The following KCND2 variants were observed in gnomAD, a reference collection of about 807,000 sequenced individuals.
KCND2 encodes the protein potassium voltage-gated channel subfamily D member 2.
KCND2 carries 16 observed loss-of-function variants against 54.4 expected under a neutral mutation model. The observed-to-expected ratio is 0.29, with a 90% CI of 0.20 to 0.45. The LOEUF (loss-of-function observed/expected upper bound fraction) is 0.45, where lower values mean the gene tolerates loss of function less well. Ranked by LOEUF, KCND2 falls within the 20% of genes least tolerant of loss-of-function variation. The pLI is 1.00. For synonymous variants in KCND2, 317 were observed against 310.7 expected, an observed-to-expected ratio of 1.02 and a Z score of -0.21; for missense variants, 486 against 824.2, an observed-to-expected ratio of 0.59 and a Z score of 5.02.
At chr7:120,351,085 G>C (rs1398216110) in intron 1 of KCND2, among the ~76,000 whole-genome samples, 1 of 151,260 alleles carries the variant, frequency 6.6e-6, no homozygotes, top group African/African-American at 2.4e-5. Context: ...CATTAAATAT[G>C]TAGATTATTT....
chr7:120,300,512 G>A (rs546525348), intron 1 of KCND2, among the ~76,000 whole-genome samples: 2 of 152,098 alleles, frequency 1.3e-5, no homozygotes, highest in Non-Finnish European at 2.9e-5. Context: ...ATTATCTGAA[G>A]CATATTGTTT....
chr7:120,333,546 G>A lies in KCND2; in HGVS notation c.1115+57799G>A, dbSNP rs146882722. ...ACCCTGTTTATGATAAAGCACTTTC[G>A]GATTTTTGCTGTAATGACACAGTTC... On this transcript the variant is annotated intron_variant, in intron 1 of 5. Transcript: ENST00000331113. 2.4e-4 allele frequency among the ~76,000 whole-genome samples: 36 copies of A among 151,986 alleles called. 1 individual carries two copies. The East Asian group carries it at 6.6e-3, about 28-fold the overall frequency.
chr7:120,447,241 T>C (rs1802029942), intron 1 of KCND2, among the ~76,000 whole-genome samples: 1 of 152,070 alleles, frequency 6.6e-6, no homozygotes, highest in Non-Finnish European at 1.5e-5. Context: ...AGATCCCATC[T>C]GTGTGACATT....
At chr7:120,448,615 TA>T (rs1024855749) in intron 1 of KCND2, among the ~76,000 whole-genome samples, 63 of 145,736 alleles carry the variant, frequency 4.3e-4, no homozygotes, top group Non-Finnish European at 6.7e-4. Flanking sequence ...AGAGACACAA[TA>T]AAAAAAAAAG....
chr7:120,739,245 G>T (rs1052472329), intron 2 of KCND2, among the ~76,000 whole-genome samples: 1 of 152,004 alleles, frequency 6.6e-6, no homozygotes, highest in Non-Finnish European at 1.5e-5. Flanking sequence ...GGAGGGAGGA[G>T]TTGGGAGTCA....
intron 1 of KCND2, among the ~76,000 whole-genome samples, chr7:120,713,341 C>T (rs1038205338): frequency 5.9e-5 from 9 of 152,106 alleles, no homozygotes; most frequent in Admixed American, 3.9e-4. Flanking sequence ...AGTGAATATT[C>T]GTATCTCCAC....
chr7:120,327,177 A>G (rs1210843266), intron 1 of KCND2, among the ~76,000 whole-genome samples: 1 of 152,058 alleles, frequency 6.6e-6, no homozygotes, highest in Non-Finnish European at 1.5e-5. Flanking sequence ...CTGGCAATTT[A>G]CATTCTAGAA....
At chr7:120,525,541 A>C (rs1353258458) in intron 1 of KCND2, among the ~76,000 whole-genome samples, 1 of 152,218 alleles carries the variant, frequency 6.6e-6, no homozygotes, top group Non-Finnish European at 1.5e-5. Flanking sequence ...GGGCACAATT[A>C]AGTAGCTGGC....
intron 1 of KCND2, among the ~76,000 whole-genome samples, chr7:120,277,922 A>G (rs1050167984): frequency 2.6e-5 from 4 of 152,008 alleles, no homozygotes; most frequent in African/African-American, 9.7e-5. Flanking sequence ...AGCATTGAAT[A>G]CACACGCTTT....
chr7:120,340,526 A>G (rs915613618), intron 1 of KCND2, among the ~76,000 whole-genome samples: 1 of 152,202 alleles, frequency 6.6e-6, no homozygotes, highest in African/African-American at 2.4e-5. Context: ...TCTCAATGAA[A>G]TGTCAGGTAG....
intron 1 of KCND2, among the ~76,000 whole-genome samples, chr7:120,612,635 T>C (rs540255442): frequency 1.3e-5 from 2 of 152,322 alleles, no homozygotes; most frequent in African/African-American, 2.4e-5. Context: ...AAGATCCAAA[T>C]ACCCATAATA....
At chr7:120,319,056 C>T (rs1799855212) in intron 1 of KCND2, among the ~76,000 whole-genome samples, 2 of 152,064 alleles carry the variant, frequency 1.3e-5, no homozygotes, top group Non-Finnish European at 2.9e-5. Context: ...TATTACTTCT[C>T]ACTCCTCTCC....
At chr7:120,503,571 T>A (rs1802969279) in intron 1 of KCND2, among the ~76,000 whole-genome samples, 1 of 151,944 alleles carries the variant, frequency 6.6e-6, no homozygotes, top group Admixed American at 6.6e-5. Context: ...TTCCACCACT[T>A]CTCTTTCCTT....
chr7:120,417,243 A>C (rs1400928899), intron 1 of KCND2, among the ~76,000 whole-genome samples: 1 of 152,232 alleles, frequency 6.6e-6, no homozygotes, highest in Admixed American at 6.5e-5. Context: ...TCCTAACTCT[A>C]TGTTATCACA....
intron 1 of KCND2, among the ~76,000 whole-genome samples, chr7:120,643,821 C>G (rs1052308805): frequency 1.9e-4 from 29 of 151,274 alleles, no homozygotes; most frequent in African/African-American, 6.8e-4. Context: ...GCTACTTACT[C>G]TCAAAAATAG....
intron 1 of KCND2, among the ~76,000 whole-genome samples, chr7:120,554,183 A>G (rs985586542): frequency 1.3e-5 from 2 of 152,352 alleles, no homozygotes; most frequent in East Asian, 1.9e-4. Context: ...AGCAACTCAC[A>G]TAGTAGTTAA....
intron 1 of KCND2, among the ~76,000 whole-genome samples, chr7:120,498,999 TCATAG>T (rs570477974): frequency 4.7e-4 from 72 of 152,256 alleles, no homozygotes; most frequent in Non-Finnish European, 8.1e-4. Context: ...AATATTCCGT[TCATAG>T]GAAATTTTTC....
At chr7:120,496,755 A>G (rs1415689506) in intron 1 of KCND2, among the ~76,000 whole-genome samples, 1 of 151,976 alleles carries the variant, frequency 6.6e-6, no homozygotes, top group East Asian at 1.9e-4. Context: ...CCACTCATTG[A>G]TTGTGGCCTT....
intron 1 of KCND2, among the ~76,000 whole-genome samples, chr7:120,364,816 G>T (rs1800643660): frequency 6.6e-6 from 1 of 151,968 alleles, no homozygotes; most frequent in African/African-American, 2.4e-5. Context: ...TGAGGATGGG[G>T]GTTTCTTGCC....
Sources: allele counts gnomAD v4.1 joint callset (sites outside exome capture counted in the v4.1 genomes callset), GRCh38; gene constraint gnomAD v4.1.1; transcripts MANE v1.5; gene names NCBI Gene and HGNC (gene_info 2026-07-23, HGNC 2026-07-21).